BRD9: variants seen among roughly 807,000 people sequenced by gnomAD.
BRD9 encodes bromodomain-containing protein 9.
Under a neutral mutation model 68.7 loss-of-function variants are expected in BRD9, and 47 were observed. The observed-to-expected ratio is 0.68, with a 90% CI of 0.54 to 0.87. The LOEUF (loss-of-function observed/expected upper bound fraction) is 0.87. Ranked by LOEUF, BRD9 falls within the 40% of genes least tolerant of loss-of-function variation. The pLI is 0.00. For missense variants in BRD9, 670 were observed against 748.4 expected, an observed-to-expected ratio of 0.90 and a Z score of 1.22; for synonymous variants, 313 against 293.9, an observed-to-expected ratio of 1.06 and a Z score of -0.67.
intron 7 of BRD9, 130 bp downstream of exon 7, chr5:886,462 G>T: frequency 1.1e-6 from 1 of 949,952 alleles, no homozygotes; most frequent in Non-Finnish European, 1.6e-6. Flanking sequence ...GCCAGAATAA[G>T]CTACACCAAG....
intron 12 of BRD9, among the ~76,000 whole-genome samples, chr5:872,658 T>G (rs1439835953): frequency 6.6e-6 from 1 of 152,138 alleles, no homozygotes; most frequent in Admixed American, 6.5e-5. Flanking sequence ...GCTTGGGGAC[T>G]CCCGCCTGGC....
At chr5:869,644 C>A (rs559168237) in intron 14 of BRD9, among the ~76,000 whole-genome samples, 1 of 152,212 alleles carries the variant, frequency 6.6e-6, no homozygotes, top group Non-Finnish European at 1.5e-5. Context: ...ATCTATGTGA[C>A]AAGAACCTTG....
At chr5:868,868 C>T (rs964953329) in intron 14 of BRD9, 2 of 157,388 alleles carry the variant, frequency 1.3e-5, no homozygotes, top group East Asian at 3.8e-4. Context: ...AACGTCACCA[C>T]GCAAAGCAGT....
intron 7 of BRD9, 137 bp from the exon 8 acceptor site, chr5:884,207 T>C (rs779698104): frequency 9.5e-6 from 10 of 1,047,702 alleles, no homozygotes; most frequent in Non-Finnish European, 1.2e-5. Flanking sequence ...TTAACTCCTT[T>C]TAGGTCTCAA....
At chr5:884,122 C>A in intron 7 of BRD9, 52 bp from the exon 8 acceptor site, 1 of 1,592,940 alleles carries the variant, frequency 6.3e-7, no homozygotes, top group Non-Finnish European at 8.6e-7. Flanking sequence ...CCACCGCACA[C>A]CTGCTCCCCA....
At chr5:889,271 A>C (rs1752999017) in intron 4 of BRD9, 106 bp from the exon 5 acceptor site, 1 of 1,262,636 alleles carries the variant, frequency 7.9e-7, no homozygotes, top group African/African-American at 1.5e-5. Context: ...TGTTTCTTAA[A>C]AATAAAAAAG....
chr5:869,691 T>C (rs1749857367), intron 14 of BRD9, among the ~76,000 whole-genome samples: 2 of 152,236 alleles, frequency 1.3e-5, no homozygotes, highest in Non-Finnish European at 2.9e-5. Context: ...TGCACATTTC[T>C]TTCTGACTTC....
intron 8 of BRD9, chr5:882,636 G>A (rs995264781): frequency 1.3e-5 from 2 of 150,564 alleles, no homozygotes; most frequent in Non-Finnish European, 2.8e-5. Flanking sequence ...CCAAGCAACC[G>A]CCCCACACGT....
intron 7 of BRD9, among the ~76,000 whole-genome samples, chr5:885,737 T>C (rs1021892781): frequency 6.6e-6 from 1 of 152,332 alleles, no homozygotes; most frequent in South Asian, 2.1e-4. Flanking sequence ...ACTCAGCAAG[T>C]GACACGTGAT....
intron 2 of BRD9, 40 bp from the exon 3 acceptor site, chr5:891,327 G>C: frequency 6.5e-7 from 1 of 1,543,612 alleles, no homozygotes; most frequent in South Asian, 1.2e-5. Flanking sequence ...GGCAGGAGTA[G>C]GCGGGATCCG....
chr5:891,706 T>C lies in BRD9; in HGVS notation c.201A>G (p.Lys67=), dbSNP rs1753435683. The part of the protein sequence containing the change: ...DHERERHKEK[K]KKKKKKSEKE... ...TCTCGGACTTCTTCTTCTTCTTCTT[T>C]TTCTTTTCTTTGTGCCTCTCTCGCT... The change falls in exon 2 of 16, where the codon AAA becomes AAG. Residue 67 remains lysine (K), a synonymous_variant. Transcript: ENST00000467963. 2.6e-6 allele frequency: 4 copies of C among 1,551,616 alleles called. No individual in the cohort carries two copies. The highest frequency in any genetic ancestry group is 1.7e-4 in the Middle Eastern group (1 of 5,992).
chr5:886,526 G>A (rs1310585525), intron 7 of BRD9, 66 bp downstream of exon 7: 4 of 1,441,442 alleles, frequency 2.8e-6, no homozygotes, highest in South Asian at 1.3e-5. Flanking sequence ...TCCCCTACAA[G>A]GCACCTGCTT....
chr5:873,480 C>T (rs925962398), intron 12 of BRD9, among the ~76,000 whole-genome samples: 5 of 152,210 alleles, frequency 3.3e-5, no homozygotes, highest in Non-Finnish European at 7.3e-5. Context: ...CCACCTATAA[C>T]CTATAAGGCC....
At chr5:875,944 G>A (rs1413319836) in intron 12 of BRD9, among the ~76,000 whole-genome samples, 157 bp downstream of exon 12, 3 of 152,206 alleles carry the variant, frequency 2.0e-5, no homozygotes, top group Non-Finnish European at 4.4e-5. Flanking sequence ...GGGGACACCT[G>A]CCCGTGCAGA....
chr5:873,816 AG>A (rs1750503287), intron 12 of BRD9, among the ~76,000 whole-genome samples: 1 of 152,222 alleles, frequency 6.6e-6, no homozygotes, highest in Non-Finnish European at 1.5e-5. Flanking sequence ...GGGAGCCATG[AG>A]CCAAACGTTC....
chr5:892,527 C>T, intron 1 of BRD9, 79 bp downstream of exon 1: 1 of 1,503,982 alleles, frequency 6.6e-7, no homozygotes. Flanking sequence ...GTGCCCAGGA[C>T]CCCCGTCCGC....
intron 11 of BRD9, among the ~76,000 whole-genome samples, chr5:876,975 T>A (rs970819806): frequency 6.6e-6 from 1 of 152,246 alleles, no homozygotes; most frequent in Non-Finnish European, 1.5e-5. Context: ...GAGGCTGGCA[T>A]GGGACCACGT....
rs1236164309 is a variant in BRD9 at position 870,460 on chromosome 5, T to C, written c.1525+13A>G. 2 of 1,604,152 alleles carry C rather than the reference T, an allele frequency of 1.2e-6. No individual in the cohort carries two copies. The highest frequency in any genetic ancestry group is 1.7e-6 in the Non-Finnish European group (2 of 1,170,996). On this transcript the variant is annotated intron_variant, in intron 14 of 15. Transcript: ENST00000467963. ...TCACCAGGTGCTGTGGGAAAGTGCCTGTTACAACTCACCCAGAGAGCTGAG... is the reference window on the plus strand; with the variant it reads ...TCACCAGGTGCTGTGGGAAAGTGCCCGTTACAACTCACCCAGAGAGCTGAG...
At position 876,082 on chromosome 5, in the gene BRD9, C is replaced by T. The variant is rs372665353; in HGVS notation, c.1383+19G>A. 1.6e-4 allele frequency: 247 copies of T among 1,577,206 alleles called. No individual in the cohort carries two copies. Among genetic ancestry groups the T allele is most frequent in the East Asian group, 4.0e-4 (18 of 44,550 alleles). ...CCCAAGGGCACCTGCCCCCCAACCC[C>T]GGTGCGAGTGCAGCCCACCTGCTTC... On this transcript the variant is annotated intron_variant, in intron 12 of 15. Coordinates refer to ENST00000467963, the MANE Select transcript of BRD9 (RefSeq NM_023924.5).
Sources: allele counts gnomAD v4.1 joint callset (sites outside exome capture counted in the v4.1 genomes callset), GRCh38; gene constraint gnomAD v4.1.1; transcripts MANE v1.5; gene names NCBI Gene and HGNC (gene_info 2026-07-23, HGNC 2026-07-21).